GABBR2: variants seen among roughly 807,000 people sequenced by gnomAD.
GABBR2 encodes gamma-aminobutyric acid type B receptor subunit 2, also known as G-protein coupled receptor 51.
A neutral mutation model predicts 105.6 loss-of-function variants in GABBR2; 23 were observed. That is an observed-to-expected ratio of 0.22 (90% confidence interval 0.16 to 0.31). The LOEUF (loss-of-function observed/expected upper bound fraction) is 0.31. Among genes scored for constraint, GABBR2 ranks in the 10% least tolerant of loss-of-function variants. GABBR2 has a pLI of 1.00. For missense variants in GABBR2, 734 were observed against 1,245.5 expected (o/e 0.59, Z 6.18); for synonymous variants, 478 against 499.7 (o/e 0.96, Z 0.58).
At chr9:98,600,773 A>G (rs914663) in intron 1 of GABBR2, among the ~76,000 whole-genome samples, 55,278 of 152,126 alleles carry the variant, frequency 0.36, 10,506 homozygotes, top group African/African-American at 0.48. Flanking sequence ...CGTTCTACTC[A>G]CTGAGTATCC....
intron 7 of GABBR2, among the ~76,000 whole-genome samples, chr9:98,408,903 T>A (rs369635119): frequency 1.1e-4 from 16 of 152,358 alleles, no homozygotes; most frequent in African/African-American, 3.6e-4. Context: ...CCCTCCTGCC[T>A]CAGCCTGCGA....
intron 3 of GABBR2, among the ~76,000 whole-genome samples, chr9:98,517,699 C>T (rs891514977): frequency 5.9e-5 from 9 of 152,186 alleles, no homozygotes; most frequent in African/African-American, 1.7e-4. Context: ...GCCAGCCTGC[C>T]CTGCCCTGCC....
intron 1 of GABBR2, among the ~76,000 whole-genome samples, chr9:98,652,554 C>G (rs766700178): frequency 9.3e-4 from 142 of 152,322 alleles, no homozygotes; most frequent in Non-Finnish European, 1.6e-3. Flanking sequence ...CAGCTCCCAG[C>G]CTCCTCATGC....
intron 1 of GABBR2, among the ~76,000 whole-genome samples, chr9:98,596,420 G>A (rs571446544): frequency 2.1e-4 from 32 of 152,276 alleles, no homozygotes; most frequent in Non-Finnish European, 3.8e-4. Context: ...CACAGCCTTG[G>A]GGGTGGGGGC....
chr9:98,518,190 A>G (rs1420075273), intron 3 of GABBR2, among the ~76,000 whole-genome samples: 1 of 152,154 alleles, frequency 6.6e-6, no homozygotes, highest in Non-Finnish European at 1.5e-5. Flanking sequence ...TCGTGACTCC[A>G]GCCATTGCTA....
At chr9:98,605,911 C>T (rs1468642486) in intron 1 of GABBR2, among the ~76,000 whole-genome samples, 1 of 152,134 alleles carries the variant, frequency 6.6e-6, no homozygotes, top group Admixed American at 6.5e-5. Context: ...TCTCCTAATG[C>T]TATCCCTCCC....
intron 3 of GABBR2, among the ~76,000 whole-genome samples, chr9:98,519,243 A>T (rs1827820398): frequency 6.6e-6 from 1 of 152,224 alleles, no homozygotes; most frequent in South Asian, 2.1e-4. Flanking sequence ...GGAATGAATG[A>T]GACCACAGGA....
chr9:98,406,198 C>A (rs1832486780), intron 7 of GABBR2, 57 bp from the exon 8 acceptor site: 2 of 953,792 alleles, frequency 2.1e-6, no homozygotes, highest in East Asian at 2.6e-5. Flanking sequence ...CACATTAGCC[C>A]AAACGCCACT....
At chr9:98,444,061 C>G (rs530255189) in intron 7 of GABBR2, among the ~76,000 whole-genome samples, 52 of 152,210 alleles carry the variant, frequency 3.4e-4, no homozygotes, top group Non-Finnish European at 6.8e-4. Context: ...CACTTACTAC[C>G]TGAAGGATCC....
chr9:98,561,956 T>G (rs1299267022), intron 2 of GABBR2, among the ~76,000 whole-genome samples: 1 of 152,156 alleles, frequency 6.6e-6, no homozygotes, highest in African/African-American at 2.4e-5. Context: ...CATCATAAAT[T>G]GATGCTAAAA....
rs370449919 is a variant in GABBR2, at chr9:98,536,946, C to A, written c.630+4927G>T. On this transcript the variant is annotated intron_variant, in intron 3 of 18. Coordinates refer to ENST00000259455, the MANE Select transcript of GABBR2 (RefSeq NM_005458.8). ...GGCCTGCTGAGGGCCACAAGTAGACCGAGGCCACCAGGTAGAATGGGGCTA... is the reference window on the plus strand; with the variant it reads ...GGCCTGCTGAGGGCCACAAGTAGACAGAGGCCACCAGGTAGAATGGGGCTA... 2.2e-4 allele frequency among the ~76,000 whole-genome samples: 33 copies of A among 152,310 alleles called. No individual in the cohort carries two copies. In the East Asian group the frequency reaches 4.8e-3, roughly 22 times the overall value.
chr9:98,374,714 G>T (rs966286948), intron 11 of GABBR2, among the ~76,000 whole-genome samples: 3 of 152,186 alleles, frequency 2.0e-5, no homozygotes, highest in African/African-American at 7.2e-5. Context: ...GGACTTAAGC[G>T]TGTCCTGTGC....
At chr9:98,385,303 A>G (rs1459759482) in intron 11 of GABBR2, among the ~76,000 whole-genome samples, 1 of 152,212 alleles carries the variant, frequency 6.6e-6, no homozygotes, top group African/African-American at 2.4e-5. Flanking sequence ...TTTGGGCTCA[A>G]GCAATCCTCC....
intron 3 of GABBR2, among the ~76,000 whole-genome samples, chr9:98,508,923 G>T (rs10819006): frequency 0.32 from 49,375 of 152,086 alleles, 8,249 homozygotes; most frequent in Non-Finnish European, 0.34. Context: ...AGAGAGTAGT[G>T]GTTCTCCCAG....
chr9:98,684,168 G>GAAAAAAAAA (rs1830590840), intron 1 of GABBR2, among the ~76,000 whole-genome samples: 1 of 4,590 alleles, frequency 2.2e-4, no homozygotes, highest in Non-Finnish European at 5.0e-4. Flanking sequence ...TTTTACCACG[G>GAAAAAAAAA]TAAAAAAAAA....
intron 7 of GABBR2, among the ~76,000 whole-genome samples, chr9:98,427,935 C>A (rs1330072786): frequency 6.6e-6 from 1 of 152,188 alleles, no homozygotes; most frequent in Non-Finnish European, 1.5e-5. Context: ...AGAATGACTG[C>A]AGTCCCCACT....
rs910217622 is a variant in GABBR2 at position 98,306,779 on chromosome 9, T to C, written c.2005-434A>G. On this transcript the variant is annotated intron_variant, in intron 14 of 18. Coordinates refer to ENST00000259455, the MANE Select transcript of GABBR2 (RefSeq NM_005458.8). The surrounding 1 kb of genome is among the most constrained non-coding windows in gnomAD (Gnocchi z 5.4). ...TAGAAATTCACTCCAGTCTTTTTTC[T>C]ATTAAACTAAGCAGATCCCTTGTGT... is the stretch of plus-strand genomic sequence containing the variant. Among the ~76,000 whole-genome samples, 9 of 152,348 alleles carry C rather than the reference T, an allele frequency of 5.9e-5. No homozygotes were observed. The East Asian group carries it at 1.2e-3, about 20-fold the overall frequency.
intron 11 of GABBR2, among the ~76,000 whole-genome samples, chr9:98,375,827 C>T (rs2062528374): frequency 6.6e-6 from 1 of 152,154 alleles, no homozygotes; most frequent in African/African-American, 2.4e-5. Flanking sequence ...TCCCAGGTGC[C>T]TCCCTTCTAT....
At chr9:98,614,370 A>G (rs1829549207) in intron 1 of GABBR2, among the ~76,000 whole-genome samples, 1 of 152,116 alleles carries the variant, frequency 6.6e-6, no homozygotes, top group South Asian at 2.1e-4. Flanking sequence ...CTGATAATAC[A>G]AAAATTAGCT....
Sources: allele counts gnomAD v4.1 joint callset (sites outside exome capture counted in the v4.1 genomes callset), GRCh38; gene constraint gnomAD v4.1.1; non-coding constraint Gnocchi (gnomAD v3.1); transcripts MANE v1.5; gene names NCBI Gene and HGNC (gene_info 2026-07-23, HGNC 2026-07-21).